The following SLFN14 variants were observed in gnomAD, a reference collection of about 807,000 sequenced individuals.
SLFN14 encodes protein SLFN14.
Under a neutral mutation model 58.6 loss-of-function variants are expected in SLFN14, and 47 were observed. The ratio of observed to expected loss-of-function variants is 0.80; its 90% CI spans 0.64 to 1.02. SLFN14 has a LOEUF of 1.02. Among genes scored for constraint, SLFN14 ranks in the 50% least tolerant of loss-of-function variants. The pLI is 0.00. For missense variants in SLFN14, 967 were observed against 1,078.4 expected (o/e 0.90, Z 1.45); for synonymous variants, 390 against 387.3 (o/e 1.01, Z -0.08).
At chr17:35,560,545 C>G (rs763204369) in intron 1 of SLFN14, among the ~76,000 whole-genome samples, 1 of 152,150 alleles carries the variant, frequency 6.6e-6, no homozygotes, top group Admixed American at 6.5e-5. Flanking sequence ...CCAGGCTGGT[C>G]TCGAACTGTT....
chr17:35,552,835 G>A lies in SLFN14; in HGVS notation c.1799C>T (p.Thr600Ile). The A allele has an allele frequency of 6.4e-7, 1 of 1,551,430 alleles. No homozygotes were observed. Among genetic ancestry groups the A allele is most frequent in the South Asian group, 1.2e-5 (1 of 84,054 alleles). The change falls in exon 5 of 6, where the codon ACA becomes ATA. Residue 600 changes from threonine (T) to isoleucine (I), a missense_variant. Thr to Ile is a moderately conservative substitution (Grantham distance 89). Coordinates refer to ENST00000674182, the MANE Select transcript of SLFN14 (RefSeq NM_001129820.2). Reference sequence around the variant, plus strand: ...CTCCATGATCTTTATGGCTAGGGCTGTCTTCCTGACTCCTGGAAAGCAGTA... The same window carrying A: ...CTCCATGATCTTTATGGCTAGGGCTATCTTCCTGACTCCTGGAAAGCAGTA... Reference protein sequence around the residue: ...FIYCFPGVRKTALAIKIMEKI... With the variant: ...FIYCFPGVRKIALAIKIMEKI...
In SLFN14 at chr17:35,548,348, A is replaced by G. The variant is rs1174696553; in HGVS notation, c.2630T>C (p.Phe877Ser). 1 of 1,551,592 alleles carries G rather than the reference A, an allele frequency of 6.4e-7. No individual in the cohort carries two copies. The highest frequency in any genetic ancestry group is 8.7e-7 in the Non-Finnish European group (1 of 1,147,000). The change falls in exon 6 of 6, where the codon TTT becomes TCT. Residue 877 changes from phenylalanine to serine, a missense_variant. Transcript: ENST00000674182. ...QFSGLERTVVFGLSPECDQSE... is the reference protein window; with the variant it reads ...QFSGLERTVVSGLSPECDQSE... Reference sequence around the variant, plus strand: ...CTGGTCACATTCTGGACTAAGCCCAAACACGACAGTCCTCTCCAGGCCTGA... The same window carrying G: ...CTGGTCACATTCTGGACTAAGCCCAGACACGACAGTCCTCTCCAGGCCTGA...
rs1348306124 is a variant in SLFN14, at chr17:35,553,287, C to G, written c.1347G>C (p.Arg449Ser). Reference sequence around the variant, plus strand: ...CATCACACAGGACATTCTGTTCTTTCCTGAAGCCAACATCACCAGCCCAGC... The same window carrying G: ...CATCACACAGGACATTCTGTTCTTTGCTGAAGCCAACATCACCAGCCCAGC... ...SRSWAGDVGF[R>S]KEQNVLCDAL... Residue 449 changes from arginine (R) to serine (S), a missense_variant, in exon 5 of 6, where the codon AGG (arginine) becomes AGC (serine). Transcript: ENST00000674182. 6.4e-7 allele frequency: 1 copy of G among 1,551,526 alleles called. No individual in the cohort carries two copies. Among genetic ancestry groups the G allele is most frequent in the African/African-American group, 1.4e-5 (1 of 73,016 alleles).
In SLFN14 at chr17:35,545,931, G is replaced by A. The variant is rs139891707; in HGVS notation, c.*2308C>T. ...CAGGAAATTATAATGAGCATCCAGG[G>A]TTGAGAATCACTGAGTTAGTTATTC... On this transcript the variant is annotated 3_prime_UTR_variant, in exon 6 of 6. Transcript: ENST00000674182. 2.1e-4 allele frequency among the ~76,000 whole-genome samples: 32 copies of A among 152,176 alleles called. No homozygotes were observed. Among genetic ancestry groups the A allele is most frequent in the African/African-American group, 7.7e-4 (32 of 41,534 alleles).
At position 35,548,549 on chromosome 17, in the gene SLFN14, T is replaced by C; in HGVS notation, c.2429A>G (p.Tyr810Cys). 1 of 1,551,758 alleles carries C rather than the reference T, an allele frequency of 6.4e-7. No individual in the cohort carries two copies. The highest frequency in any genetic ancestry group is 1.2e-5 in the South Asian group (1 of 84,062). The change falls in exon 6 of 6, where the codon TAT becomes TGT. Residue 810 changes from tyrosine (Y) to cysteine (C), a missense_variant. Transcript: ENST00000674182. ...RKCHSLFQCG[Y>C]LPKDIAILCR... ...CAGAATTGCTATATCTTTGGGCAGA[T>C]AGCCACACTGGAACAGGCTGTGACA... is the stretch of plus-strand genomic sequence containing the variant.
rs2072561139 is a variant in SLFN14, at chr17:35,549,086, A to G, written c.1905-13T>C. ...GGTGGTTTGTTGGCTGTAAGGACGG[A>G]AAAAACAGGGCTTGAGGCATATCAA... On this transcript the variant is annotated splice_polypyrimidine_tract_variant and intron_variant, in intron 5 of 5. Transcript: ENST00000674182. 1 of 1,545,796 alleles carries G rather than the reference A, an allele frequency of 6.5e-7. No homozygotes were observed. Among genetic ancestry groups the G allele is most frequent in the Non-Finnish European group, 8.7e-7 (1 of 1,142,994 alleles).
chr17:35,550,647 C>T (rs890973845), intron 5 of SLFN14, among the ~76,000 whole-genome samples: 1 of 152,174 alleles, frequency 6.6e-6, no homozygotes, highest in Non-Finnish European at 1.5e-5. Flanking sequence ...TATGTTTTCT[C>T]CTCTAACACT....
At chr17:35,556,637 T>G (rs1382479538) in intron 3 of SLFN14, among the ~76,000 whole-genome samples, 1 of 152,010 alleles carries the variant, frequency 6.6e-6, no homozygotes, top group African/African-American at 2.4e-5. Context: ...AATACAAAAA[T>G]TAGCCGACAT....
intron 2 of SLFN14, among the ~76,000 whole-genome samples, chr17:35,558,401 A>T (rs1336090591): frequency 6.6e-6 from 1 of 151,758 alleles, no homozygotes; most frequent in Admixed American, 6.6e-5. Context: ...AGTAGATGAG[A>T]CTACAGACAC....
chr17:35,552,546 C>T (rs1378638250), intron 5 of SLFN14, among the ~76,000 whole-genome samples, 184 bp downstream of exon 5: 2 of 151,476 alleles, frequency 1.3e-5, no homozygotes, highest in Non-Finnish European at 2.9e-5. Flanking sequence ...GGGTCCCCTC[C>T]CTTTGTATGG....
intron 5 of SLFN14, among the ~76,000 whole-genome samples, chr17:35,549,888 T>C (rs2072569330): frequency 6.6e-6 from 1 of 152,240 alleles, no homozygotes; most frequent in Non-Finnish European, 1.5e-5. Flanking sequence ...TAGCCATCTT[T>C]GTATCCCTCT....
At chr17:35,555,849 G>A (rs2072647450) in intron 3 of SLFN14, among the ~76,000 whole-genome samples, 2 of 152,074 alleles carry the variant, frequency 1.3e-5, no homozygotes, top group African/African-American at 2.4e-5. Flanking sequence ...CAGGGGTCCT[G>A]CTCCCCCCAG....
chr17:35,559,208 A>T (rs1380993268), intron 2 of SLFN14, among the ~76,000 whole-genome samples: 1 of 152,174 alleles, frequency 6.6e-6, no homozygotes, highest in African/African-American at 2.4e-5. Flanking sequence ...CCTGGGCAGC[A>T]GAGTGGGAAC....
In SLFN14 at chr17:35,553,069, G is replaced by A. The variant is rs2072612005; in HGVS notation, c.1565C>T (p.Pro522Leu). ...GGGGTAACGCAGGGGGATCTCACCA[G>A]GTCTACTCTGTGTGCTGCTCAGGTG... ...LIHLSSTQSR[P>L]GEIPLRYPRS... Residue 522 changes from proline (P) to leucine (L), a missense_variant, in exon 5 of 6, where the codon CCT becomes CTT. By Grantham distance (98) the Pro-to-Leu change is moderately conservative. Coordinates refer to ENST00000674182, the MANE Select transcript of SLFN14 (RefSeq NM_001129820.2). 1 of 1,551,502 alleles carries A rather than the reference G, an allele frequency of 6.4e-7. No homozygotes were observed. Among genetic ancestry groups the A allele is most frequent in the Admixed American group, 2.0e-5 (1 of 50,970 alleles).
intron 4 of SLFN14, 186 bp from the exon 5 acceptor site, chr17:35,553,630 A>T: frequency 1.7e-6 from 1 of 585,330 alleles, no homozygotes; most frequent in Admixed American, 3.3e-5. Context: ...GACATTTGGC[A>T]ATGTCTGGAA....
At chr17:35,549,915 T>C (rs1342655223) in intron 5 of SLFN14, among the ~76,000 whole-genome samples, 2 of 152,224 alleles carry the variant, frequency 1.3e-5, no homozygotes, top group African/African-American at 4.8e-5. Context: ...AAGGGTTTCA[T>C]AGATATTTGT....
rs1416246354 is a variant in SLFN14 at position 35,557,176 on chromosome 17, AT to A, written c.886del (p.Ile296SerfsTer2). 5.2e-6 allele frequency: 8 copies of A among 1,551,576 alleles called. No homozygotes were observed. The highest frequency in any genetic ancestry group is 6.1e-6 in the Non-Finnish European group (7 of 1,147,002). Reference sequence around the variant, plus strand: ...GACATCTTTTTGGTACACATTCAGGATTTTTGTAGTGAAATTTACCTTTGGC... The same window carrying A: ...GACATCTTTTTGGTACACATTCAGGATTTTGTAGTGAAATTTACCTTTGGC... ...EKPKVNFTTK[I>X]LNVYQKDVLD... On this transcript the variant is annotated frameshift_variant, in exon 3 of 6. Transcript: ENST00000674182. LOFTEE classifies it high-confidence loss of function.
Position 35,557,167 on chromosome 17 carries a change from A to C in SLFN14, c.896T>G (p.Val299Gly). The change falls in exon 3 of 6, where the codon GTG becomes GGG. Residue 299 changes from valine (V) to glycine (G), a missense_variant. Coordinates refer to ENST00000674182, the MANE Select transcript of SLFN14 (RefSeq NM_001129820.2). ...KVNFTTKILNVYQKDVLDGYV... is the reference protein window; with the variant it reads ...KVNFTTKILNGYQKDVLDGYV... ...ACCATCCAGGACATCTTTTTGGTAC[A>C]CATTCAGGATTTTTGTAGTGAAATT... The C allele has an allele frequency of 6.4e-7, 1 of 1,551,724 alleles. No individual in the cohort carries two copies. Among genetic ancestry groups the C allele is most frequent in the Non-Finnish European group, 8.7e-7 (1 of 1,146,990 alleles).
At chr17:35,551,934 C>G (rs2072592674) in intron 5 of SLFN14, among the ~76,000 whole-genome samples, 1 of 152,122 alleles carries the variant, frequency 6.6e-6, no homozygotes, top group Non-Finnish European at 1.5e-5. Flanking sequence ...AATATTGTTA[C>G]TCCTCTTTGG....
Sources: gnomAD v4.1 joint callset for allele counts (sites outside exome capture counted in the v4.1 genomes callset) on GRCh38, gnomAD v4.1.1 for gene constraint, MANE v1.5 for transcripts, NCBI Gene and HGNC (gene_info 2026-07-23, HGNC 2026-07-21) for gene names.